TTC28: variants seen among roughly 807,000 people sequenced by gnomAD.
The protein encoded by TTC28 is tetratricopeptide repeat domain 28.
In TTC28, 61 loss-of-function variants were observed where a neutral mutation model predicts 198.0. The observed-to-expected ratio is 0.31, with a 90% CI of 0.25 to 0.38. TTC28 has a LOEUF of 0.38. TTC28 is among the 10% of genes least tolerant of loss of function. TTC28 has a pLI of 1.00. For synonymous variants in TTC28, 1,171 were observed against 1,297.8 expected (o/e 0.90, Z 2.10); for missense variants, 2,678 against 3,164.0 (o/e 0.85, Z 3.69).
chr22:28,260,205 T>G (rs1426588560), intron 5 of TTC28, among the ~76,000 whole-genome samples: 2 of 152,196 alleles, frequency 1.3e-5, no homozygotes, highest in African/African-American at 4.8e-5. Flanking sequence ...AATTCACTTT[T>G]TATGAAGCAG....
intron 2 of TTC28, among the ~76,000 whole-genome samples, chr22:28,492,486 T>A (rs2048393548): frequency 6.6e-6 from 1 of 151,954 alleles, no homozygotes; most frequent in Admixed American, 6.6e-5. Context: ...ATATTTTATT[T>A]AAAGTCATAA....
intron 2 of TTC28, among the ~76,000 whole-genome samples, chr22:28,539,653 A>G (rs946485249): frequency 1.3e-5 from 2 of 151,870 alleles, no homozygotes; most frequent in South Asian, 2.1e-4. Flanking sequence ...AAAAGGAAAG[A>G]AATAGACAGA....
intron 2 of TTC28, among the ~76,000 whole-genome samples, chr22:28,580,943 T>A (rs1299025675): frequency 1.3e-5 from 2 of 152,136 alleles, no homozygotes; most frequent in Non-Finnish European, 2.9e-5. Context: ...TCTATTATTA[T>A]TTGACTTTGC....
chr22:28,163,693 C>T (rs1248752726), intron 5 of TTC28, 94 bp from the exon 6 acceptor site: 76 of 1,332,916 alleles, frequency 5.7e-5, no homozygotes, highest in Non-Finnish European at 7.1e-5. Context: ...GCAAGATGGC[C>T]GAATAGGAAC....
At chr22:28,512,567 C>T (rs950053229) in intron 2 of TTC28, among the ~76,000 whole-genome samples, 6 of 152,140 alleles carry the variant, frequency 3.9e-5, no homozygotes, top group Non-Finnish European at 8.8e-5. Context: ...AAATGTGGTA[C>T]ATGTACACCA....
intron 5 of TTC28, among the ~76,000 whole-genome samples, chr22:28,246,668 G>A (rs969393869): frequency 3.9e-5 from 6 of 152,116 alleles, no homozygotes; most frequent in African/African-American, 1.4e-4. Context: ...ATTTTCAAAT[G>A]AGAAAATTGA....
intron 2 of TTC28, among the ~76,000 whole-genome samples, chr22:28,555,757 G>A (rs1327558349): frequency 6.6e-6 from 1 of 152,088 alleles, no homozygotes; most frequent in Non-Finnish European, 1.5e-5. Flanking sequence ...GGCGATGGGT[G>A]CACCAAAAAT....
At chr22:28,476,306 T>C (rs2048166212) in intron 2 of TTC28, among the ~76,000 whole-genome samples, 1 of 152,240 alleles carries the variant, frequency 6.6e-6, no homozygotes, top group South Asian at 2.1e-4. Flanking sequence ...GTTCATTCAT[T>C]TTCCCCTTAT....
At chr22:28,170,964 T>C (rs1922616585) in intron 5 of TTC28, among the ~76,000 whole-genome samples, 1 of 151,668 alleles carries the variant, frequency 6.6e-6, no homozygotes, top group South Asian at 2.1e-4. Flanking sequence ...GCCTCTCACA[T>C]TGCTTGCCAC....
chr22:27,998,435 T>C, intron 16 of TTC28, 105 bp downstream of exon 16: 4 of 1,447,006 alleles, frequency 2.8e-6, no homozygotes, highest in Non-Finnish European at 3.6e-6. Flanking sequence ...TGGCTGGCCT[T>C]GCCCTGCCCT....
chr22:28,427,517 AG>A (rs60024566), intron 2 of TTC28, among the ~76,000 whole-genome samples: 9,977 of 152,114 alleles, frequency 0.066, 482 homozygotes, highest in Admixed American at 0.14. Flanking sequence ...CCGGGTTTGG[AG>A]GCGGGCGCCT....
chr22:28,454,127 T>C (rs975674576), intron 2 of TTC28, among the ~76,000 whole-genome samples: 20 of 152,344 alleles, frequency 1.3e-4, no homozygotes, highest in Middle Eastern at 3.4e-3. Flanking sequence ...AGGCTATCCC[T>C]GACCAAAATT....
intron 12 of TTC28, among the ~76,000 whole-genome samples, chr22:28,085,788 A>T (rs1259935763): frequency 6.6e-6 from 1 of 152,138 alleles, no homozygotes; most frequent in Non-Finnish European, 1.5e-5. Context: ...AGAGACACAC[A>T]TAGGCTCAAA....
chr22:28,367,680 A>G (rs1302040064), intron 2 of TTC28, among the ~76,000 whole-genome samples: 1 of 152,098 alleles, frequency 6.6e-6, no homozygotes, highest in East Asian at 1.9e-4. Flanking sequence ...TAGCCAGACT[A>G]AGAAAAAAGA....
At chr22:28,108,503 C>T in intron 6 of TTC28, 100 bp from the exon 7 acceptor site, 2 of 1,053,656 alleles carry the variant, frequency 1.9e-6, no homozygotes, top group Non-Finnish European at 2.5e-6. Flanking sequence ...AAATGCAATC[C>T]AGATGAATTA....
intron 6 of TTC28, among the ~76,000 whole-genome samples, chr22:28,140,272 T>A (rs928058210): frequency 1.3e-5 from 2 of 152,184 alleles, no homozygotes; most frequent in African/African-American, 4.8e-5. Flanking sequence ...GCTGTATTGC[T>A]CCCTGAGAGG....
chr22:28,091,537 A>G (rs1941813778), intron 12 of TTC28, among the ~76,000 whole-genome samples: 1 of 152,178 alleles, frequency 6.6e-6, no homozygotes, highest in Admixed American at 6.5e-5. Flanking sequence ...AACATGAAAA[A>G]GGGAAAGGTA....
intron 12 of TTC28, among the ~76,000 whole-genome samples, chr22:28,081,738 C>T (rs9625396): frequency 0.067 from 10,172 of 152,164 alleles, 397 homozygotes; most frequent in South Asian, 0.089. Flanking sequence ...ATGATTCACC[C>T]GCCTCAGCCT....
chr22:27,990,122 A>C (rs1286541700), intron 20 of TTC28, 115 bp from the exon 21 acceptor site: 67 of 1,324,276 alleles, frequency 5.1e-5, no homozygotes, highest in Middle Eastern at 2.5e-4. Flanking sequence ...TGACCCTCTC[A>C]TGAGTGTAGC....
Sources: gnomAD v4.1 joint callset for allele counts (sites outside exome capture counted in the v4.1 genomes callset) on GRCh38, gnomAD v4.1.1 for gene constraint, MANE v1.5 for transcripts, NCBI Gene and HGNC (gene_info 2026-07-23, HGNC 2026-07-21) for gene names.